KLHL13: variants seen among roughly 807,000 people sequenced by gnomAD.
KLHL13 encodes the protein kelch-like protein 13.
In KLHL13, 10 loss-of-function variants were observed where a neutral mutation model predicts 37.1. The ratio of observed to expected loss-of-function variants is 0.27; its 90% CI spans 0.17 to 0.46. KLHL13 has a LOEUF of 0.46. KLHL13 is among the 20% of genes least tolerant of loss of function. The pLI is 1.00. For missense variants in KLHL13, 360 were observed against 509.3 expected (o/e 0.71, Z 2.82); for synonymous variants, 163 against 181.2 (o/e 0.90, Z 0.81).
intron 1 of KLHL13, among the ~76,000 whole-genome samples, chrX:117,963,862 A>G (rs2053356171): frequency 1.9e-5 from 2 of 106,007 alleles, no homozygotes; most frequent in Admixed American, 1.0e-4. Flanking sequence ...CTATGCAGCC[A>G]TAAAAAATGA....
chrX:118,114,030 C>G (rs1187639180), intron 1 of KLHL13, among the ~76,000 whole-genome samples: 1 of 112,330 alleles, frequency 8.9e-6, no homozygotes, highest in African/African-American at 3.2e-5. Flanking sequence ...ATTCATTTCT[C>G]TACAGTCTTT....
At chrX:117,973,563 C>A (rs2053558353) in exon 1 of KLHL13, 3 of 889,132 alleles carry the variant, frequency 3.4e-6, no homozygotes, top group Non-Finnish European at 4.2e-6. Context: ...AGAATATAAA[C>A]TGCTTCAGAA....
chrX:118,028,685 T>C (rs770462541), intron 1 of KLHL13, among the ~76,000 whole-genome samples, 188 bp from the exon 2 acceptor site: 1 of 111,995 alleles, frequency 8.9e-6, no homozygotes, highest in Non-Finnish European at 1.9e-5. Context: ...AAACTGAAAG[T>C]AAAAATATCT....
At chrX:117,930,290 A>AAGGAAGGAAGGCAGGC (rs1556301121) in intron 2 of KLHL13, among the ~76,000 whole-genome samples, 23 of 77,968 alleles carry the variant, frequency 2.9e-4, no homozygotes, top group East Asian at 3.6e-4. Flanking sequence ...GGAAGGAAGG[A>AAGGAAGGAAGGCAGGC]AGGCAGGCAG....
At chrX:118,051,361 A>G (rs1242749125) in intron 1 of KLHL13, among the ~76,000 whole-genome samples, 1 of 109,536 alleles carries the variant, frequency 9.1e-6, no homozygotes, top group African/African-American at 3.3e-5. Context: ...TAACCTGGTG[A>G]AACCCCGTAT....
At chrX:117,997,011 A>T (rs1407777109) in intron 1 of KLHL13, among the ~76,000 whole-genome samples, 1 of 111,447 alleles carries the variant, frequency 9.0e-6, no homozygotes. Flanking sequence ...TAAAAAATTA[A>T]GTGTCTTTGG....
intron 1 of KLHL13, among the ~76,000 whole-genome samples, chrX:117,960,015 A>C (rs1389408236): frequency 9.0e-6 from 1 of 110,732 alleles, no homozygotes; most frequent in Non-Finnish European, 1.9e-5. Flanking sequence ...TCATTCTCAT[A>C]ATATTTGGTT....
At chrX:118,040,330 A>T (rs1206054744) in intron 1 of KLHL13, among the ~76,000 whole-genome samples, 1 of 111,552 alleles carries the variant, frequency 9.0e-6, no homozygotes, top group Non-Finnish European at 1.9e-5. Context: ...AATTCAAAAT[A>T]GCTGTTTTGA....
At chrX:117,940,628 G>GT (rs1376182559) in intron 2 of KLHL13, among the ~76,000 whole-genome samples, 1 of 111,538 alleles carries the variant, frequency 9.0e-6, no homozygotes, top group Non-Finnish European at 1.9e-5. Flanking sequence ...TTGAGCAGTG[G>GT]TTTGTAGTTC....
At chrX:117,920,496 C>T in intron 2 of KLHL13, 126 bp from the exon 4 acceptor site, 1 of 670,425 alleles carries the variant, frequency 1.5e-6, no homozygotes, top group South Asian at 3.0e-5. Flanking sequence ...ACAGAATATT[C>T]GGGAGAAGAA....
At chrX:118,104,334 A>T (rs1186969762) in intron 1 of KLHL13, among the ~76,000 whole-genome samples, 2 of 111,778 alleles carry the variant, frequency 1.8e-5, no homozygotes, top group Non-Finnish European at 3.8e-5. Context: ...AACCTATATC[A>T]GGTATAACTT....
chrX:118,110,038 T>A (rs1389574445), intron 1 of KLHL13, among the ~76,000 whole-genome samples: 3 of 111,086 alleles, frequency 2.7e-5, no homozygotes, highest in African/African-American at 9.8e-5. Flanking sequence ...ACACCAATTG[T>A]GTATTGGTAA....
chrX:118,105,009 A>C (rs2055331049), intron 1 of KLHL13, among the ~76,000 whole-genome samples: 1 of 112,443 alleles, frequency 8.9e-6, no homozygotes, highest in African/African-American at 3.2e-5. Flanking sequence ...AAAGATTGTC[A>C]ATTTGTTTTA....
intron 1 of KLHL13, among the ~76,000 whole-genome samples, chrX:118,057,434 G>A (rs2054696596): frequency 8.9e-6 from 1 of 112,297 alleles, no homozygotes; most frequent in Non-Finnish European, 1.9e-5. Flanking sequence ...TTTGGCAAAG[G>A]ATTTTTAGAC....
At chrX:118,033,799 T>C (rs1459464667) in intron 1 of KLHL13, among the ~76,000 whole-genome samples, 2 of 109,859 alleles carry the variant, frequency 1.8e-5, no homozygotes, top group South Asian at 4.1e-4. Context: ...GACTGGCAAA[T>C]TGGATAAAGA....
chrX:118,108,557 A>G (rs1339276424), intron 1 of KLHL13, among the ~76,000 whole-genome samples: 1 of 112,482 alleles, frequency 8.9e-6, no homozygotes, highest in Non-Finnish European at 1.9e-5. Context: ...GAAACCTTTT[A>G]TCAACCTCAA....
At chrX:117,914,311 A>G (rs1931201740) in intron 4 of KLHL13, 2 of 109,652 alleles carry the variant, frequency 1.8e-5, no homozygotes, top group African/African-American at 6.7e-5. Flanking sequence ...GGTTGTGATC[A>G]ATTAGTTGTA....
chrX:118,057,374 C>A (rs1602690126), intron 1 of KLHL13, among the ~76,000 whole-genome samples: 1 of 112,033 alleles, frequency 8.9e-6, no homozygotes, highest in African/African-American at 3.2e-5. Context: ...GATCAAAAAC[C>A]TGTTAAGAGC....
chrX:117,932,903 A>C (rs1932533440), intron 2 of KLHL13, among the ~76,000 whole-genome samples: 1 of 111,763 alleles, frequency 8.9e-6, no homozygotes, highest in South Asian at 3.7e-4. Flanking sequence ...TATAATAACC[A>C]TTCTAACTGA....
Sources: allele counts gnomAD v4.1 joint callset (sites outside exome capture counted in the v4.1 genomes callset), GRCh38; gene constraint gnomAD v4.1.1; transcripts MANE v1.5; gene names NCBI Gene and HGNC (gene_info 2026-07-23, HGNC 2026-07-21).